Variants in CCDC43 observed in about 807,000 individuals in gnomAD.
The protein encoded by CCDC43 is coiled-coil domain-containing protein 43.
A neutral mutation model predicts 33.3 loss-of-function variants in CCDC43; 20 were observed. That is an observed-to-expected ratio of 0.60 (90% CI 0.42 to 0.87). The LOEUF (loss-of-function observed/expected upper bound fraction) is 0.87. Ranked by LOEUF, CCDC43 falls within the 40% of genes least tolerant of loss-of-function variation. CCDC43 has a pLI of 0.00. For missense variants in CCDC43, 248 were observed against 269.9 expected, an observed-to-expected ratio of 0.92 and a Z score of 0.57; for synonymous variants, 104 against 106.5, an observed-to-expected ratio of 0.98 and a Z score of 0.14.
chr17:44,684,073 G>A, intron 1 of CCDC43, 114 bp from the exon 2 acceptor site: 1 of 691,096 alleles, frequency 1.4e-6, no homozygotes, highest in East Asian at 2.7e-5. Context: ...TTATGGAAGG[G>A]TCTGGGAGCC....
At chr17:44,681,930 A>C in intron 3 of CCDC43, 73 bp downstream of exon 3, 1 of 1,587,544 alleles carries the variant, frequency 6.3e-7, no homozygotes, top group Admixed American at 1.7e-5. Context: ...CAACTTGCCA[A>C]AGGTCACTGT....
chr17:44,681,428 A>G (rs935358334), intron 3 of CCDC43, among the ~76,000 whole-genome samples: 3 of 152,050 alleles, frequency 2.0e-5, no homozygotes, highest in African/African-American at 7.2e-5. Context: ...ACGAAGCGAG[A>G]CTCTGTCCAG....
Position 44,689,578 on chromosome 17 carries a change from G to A in CCDC43, c.176C>T (p.Ala59Val). Residue 59 changes from alanine (A) to valine (V), a missense_variant, in exon 1 of 5, where the codon GCT becomes GTT. Transcript: ENST00000315286. Reference protein sequence around the residue: ...QEEEEEEKLDALQGILSAFLE... With the variant: ...QEEEEEEKLDVLQGILSAFLE... ...GAAAGCAGAGAGGATCCCCTGCAGA[G>A]CGTCCAGCTTCTCTTCTTCCTCCTC... 1.2e-6 allele frequency: 2 copies of A among 1,614,020 alleles called. No homozygotes were observed. Among genetic ancestry groups the A allele is most frequent in the Non-Finnish European group, 8.5e-7 (1 of 1,179,894 alleles).
At chr17:44,683,480 G>GATTA (rs1298892517) in intron 2 of CCDC43, among the ~76,000 whole-genome samples, 2 of 151,920 alleles carry the variant, frequency 1.3e-5, no homozygotes, top group Admixed American at 1.3e-4. Context: ...AGTGAGCTGA[G>GATTA]ATTACGCCAC....
intron 4 of CCDC43, 70 bp downstream of exon 4, chr17:44,680,515 A>C: frequency 8.9e-7 from 1 of 1,129,452 alleles, no homozygotes; most frequent in East Asian, 2.4e-5. Flanking sequence ...GCCAGCAATG[A>C]CAGCAAAATA....
chr17:44,681,002 G>A (rs1972150670), intron 3 of CCDC43, among the ~76,000 whole-genome samples: 1 of 152,158 alleles, frequency 6.6e-6, no homozygotes, highest in Admixed American at 6.5e-5. Flanking sequence ...CTACTAAATT[G>A]TGGGTGAAGC....
In CCDC43 at chr17:44,682,026, A is replaced by G. The variant is rs779882363; in HGVS notation, c.405T>C (p.Tyr135=). ...KQRKAALLAQ[Y]ADVTDEEDEA... ...ATTCCTCTTCATCTGTCACATCAGC[A>G]TACTGGGCCAGGAGGGCAGCTTTTC... is the stretch of plus-strand genomic sequence containing the variant. Residue 135 remains tyrosine (Y), a synonymous_variant, in exon 3 of 5, where the codon TAT becomes TAC. Coordinates refer to ENST00000315286, the MANE Select transcript of CCDC43 (RefSeq NM_144609.3). The G allele has an allele frequency of 3.7e-6, 6 of 1,613,900 alleles. No individual in the cohort carries two copies. Among genetic ancestry groups the G allele is most frequent in the East Asian group, 2.2e-5 (1 of 44,894 alleles).
At chr17:44,684,001 T>G in intron 1 of CCDC43, 42 bp from the exon 2 acceptor site, 1 of 1,286,094 alleles carries the variant, frequency 7.8e-7, no homozygotes. Context: ...GAGGGAGCCC[T>G]CAAAAACAAT....
In CCDC43 at chr17:44,679,902, G is replaced by GA. The variant is rs995931056; in HGVS notation, c.487+682dup. ...GAGCGAGACTCTGTCCCAAAAAAAA[G>GA]AAAAAAAAAAGTGTTTGGTGTTTGT... On this transcript the variant is annotated intron_variant, in intron 4 of 4. Coordinates refer to ENST00000315286, the MANE Select transcript of CCDC43 (RefSeq NM_144609.3). Among the ~76,000 whole-genome samples, 33 of 144,842 alleles carry GA rather than the reference G, an allele frequency of 2.3e-4. No homozygotes were observed. In the East Asian group the frequency reaches 2.4e-3, roughly 11 times the overall value.
chr17:44,686,350 G>A (rs571672701), intron 1 of CCDC43, among the ~76,000 whole-genome samples: 1 of 152,164 alleles, frequency 6.6e-6, no homozygotes, highest in Non-Finnish European at 1.5e-5. Context: ...TAGACACACA[G>A]AACTTCCTTG....
At chr17:44,689,338 C>T (rs927943643) in intron 1 of CCDC43, 11 of 632,724 alleles carry the variant, frequency 1.7e-5, no homozygotes, top group Non-Finnish European at 2.7e-5. Context: ...ACGAGAAAGC[C>T]CTTCCTCTCT....
chr17:44,683,020 C>T (rs1225897589), intron 2 of CCDC43, among the ~76,000 whole-genome samples: 2 of 152,142 alleles, frequency 1.3e-5, no homozygotes, highest in African/African-American at 4.8e-5. Flanking sequence ...GGCCCCAACC[C>T]AGGTACATTA....
Position 44,682,029 on chromosome 17 carries a change from C to G in CCDC43, c.402G>C (p.Gln134His). 1.2e-6 allele frequency: 2 copies of G among 1,614,046 alleles called. No homozygotes were observed. Among genetic ancestry groups the G allele is most frequent in the East Asian group, 2.2e-5 (1 of 44,886 alleles). The change falls in exon 3 of 5, where the codon CAG (glutamine) becomes CAC (histidine). Residue 134 changes from glutamine to histidine, a missense_variant. Physicochemically the swap from Gln to His is conservative, Grantham distance 24. Coordinates refer to ENST00000315286, the MANE Select transcript of CCDC43 (RefSeq NM_144609.3). ...CCTCTTCATCTGTCACATCAGCATA[C>G]TGGGCCAGGAGGGCAGCTTTTCTCT... is the stretch of plus-strand genomic sequence containing the variant. ...EKQRKAALLA[Q>H]YADVTDEEDE...
At chr17:44,684,938 A>G (rs1226600279) in intron 1 of CCDC43, among the ~76,000 whole-genome samples, 1 of 151,836 alleles carries the variant, frequency 6.6e-6, no homozygotes, top group African/African-American at 2.4e-5. Flanking sequence ...GTACTACCAC[A>G]CCTGGCTAAT....
intron 1 of CCDC43, among the ~76,000 whole-genome samples, chr17:44,685,077 C>T (rs1041799397): frequency 6.6e-6 from 1 of 152,262 alleles, no homozygotes; most frequent in Admixed American, 6.5e-5. Flanking sequence ...TGGGCCACCA[C>T]ATCCAGCCGA....
In CCDC43 at chr17:44,689,762, C is replaced by T. The variant is rs760130904; in HGVS notation, c.-9G>A. 6.5e-7 allele frequency: 1 copy of T among 1,545,656 alleles called. No individual in the cohort carries two copies. Among genetic ancestry groups the T allele is most frequent in the Non-Finnish European group, 8.7e-7 (1 of 1,148,516 alleles). The stretch of plus-strand genomic sequence containing the variant: ...TCGCTGGGCGCCGCCATCTTGGGGT[C>T]AGGGTCCTGCAAGCCCCTAGGGCGC... On this transcript the variant is annotated 5_prime_UTR_variant, in exon 1 of 5. Transcript: ENST00000315286.
intron 4 of CCDC43, 47 bp from the exon 5 acceptor site, chr17:44,679,090 C>T: frequency 1.4e-6 from 2 of 1,448,086 alleles, no homozygotes; most frequent in Non-Finnish European, 1.9e-6. Context: ...CAGATCACAC[C>T]TACTGCTGCC....
intron 1 of CCDC43, chr17:44,689,063 C>G (rs1373775448): frequency 1.3e-5 from 2 of 158,788 alleles, no homozygotes; most frequent in Non-Finnish European, 2.8e-5. Context: ...ACCAGCTTAC[C>G]TTTTATGGAC....
At chr17:44,680,359 T>G (rs1209865922) in intron 4 of CCDC43, among the ~76,000 whole-genome samples, 1 of 152,128 alleles carries the variant, frequency 6.6e-6, no homozygotes, top group African/African-American at 2.4e-5. Context: ...CCCTTAGAAA[T>G]CCTTCCTCCA....
Sources: gnomAD v4.1 joint callset for allele counts (sites outside exome capture counted in the v4.1 genomes callset) on GRCh38, gnomAD v4.1.1 for gene constraint, MANE v1.5 for transcripts, NCBI Gene and HGNC (gene_info 2026-07-23, HGNC 2026-07-21) for gene names.